The following EFEMP2 variants were observed in gnomAD, a reference collection of about 807,000 sequenced individuals.
EFEMP2 encodes EGF-containing fibulin-like extracellular matrix protein 2.
EFEMP2 carries 21 observed loss-of-function variants against 55.3 expected under a neutral mutation model. The ratio of observed to expected loss-of-function variants is 0.38; its 90% CI spans 0.27 to 0.55. The LOEUF (loss-of-function observed/expected upper bound fraction) is 0.55. Among genes scored for constraint, EFEMP2 ranks in the 20% least tolerant of loss-of-function variants. EFEMP2 has a pLI of 0.77. For missense variants in EFEMP2, 513 were observed against 615.1 expected, an observed-to-expected ratio of 0.83 and a Z score of 1.76; for synonymous variants, 275 against 242.3, an observed-to-expected ratio of 1.14 and a Z score of -1.25.
At chr11:65,870,340 C>A in intron 5 of EFEMP2, 103 bp from the exon 6 acceptor site, 1 of 1,430,166 alleles carries the variant, frequency 7.0e-7, no homozygotes, top group Non-Finnish European at 9.8e-7. Flanking sequence ...AATCCTGTGT[C>A]CGAGGAGCTG....
At chr11:65,870,880 GTCCTT>G in intron 4 of EFEMP2, 1 of 730,586 alleles carries the variant, frequency 1.4e-6, no homozygotes, top group Non-Finnish European at 2.3e-6. Flanking sequence ...TTCCTGGACT[GTCCTT>G]CCTCCAAGGC....
chr11:65,867,135 C>G, intron 10 of EFEMP2, 56 bp from the exon 11 acceptor site: 1 of 1,606,368 alleles, frequency 6.2e-7, no homozygotes, highest in Non-Finnish European at 8.5e-7. Flanking sequence ...GTGCTAGGCC[C>G]CTGCCCCAGC....
chr11:65,871,580 C>T (rs1859965903), intron 3 of EFEMP2: 2 of 612,830 alleles, frequency 3.3e-6, no homozygotes, highest in African/African-American at 1.8e-5. Flanking sequence ...TCATTCTCGG[C>T]CTGCAAGTGG....
At position 65,867,805 on chromosome 11, in the gene EFEMP2, G is replaced by T. The variant is rs1288487758; in HGVS notation, c.1170+56C>A. The stretch of plus-strand genomic sequence containing the variant: ...GCCTGGCCGAGTTCCCCCTTAAGGC[G>T]TCCTGGAGTTCAGTTTTAGATTGTG... On this transcript the variant is annotated intron_variant, in intron 10 of 10. Transcript: ENST00000307998. The T allele has an allele frequency of 9.4e-6, 15 of 1,594,868 alleles. No individual in the cohort carries two copies. The Admixed American group carries it at 2.5e-4, about 27-fold the overall frequency.
chr11:65,870,413 T>C, intron 5 of EFEMP2, 123 bp downstream of exon 5: 1 of 1,499,548 alleles, frequency 6.7e-7, no homozygotes, highest in Non-Finnish European at 9.2e-7. Context: ...CTGTGTCTGA[T>C]GACGGAGGGT....
At chr11:65,870,443 G>C in intron 5 of EFEMP2, 93 bp downstream of exon 5, 1 of 1,581,472 alleles carries the variant, frequency 6.3e-7, no homozygotes, top group Non-Finnish European at 8.6e-7. Flanking sequence ...GGGGCCGGGG[G>C]TGAAGCCTGG....
At chr11:65,871,417 G>C (rs764267661) in intron 3 of EFEMP2, 54 bp from the exon 4 acceptor site, 1 of 1,564,188 alleles carries the variant, frequency 6.4e-7, no homozygotes, top group Non-Finnish European at 8.8e-7. Context: ...GCCCTGGAGG[G>C]AGCGGAGGCA....
At chr11:65,868,196 T>A (rs1859896064) in intron 9 of EFEMP2, 99 bp downstream of exon 9, 1 of 1,581,236 alleles carries the variant, frequency 6.3e-7, no homozygotes. Flanking sequence ...ATTCCCATCA[T>A]CCCTCAGGGG....
Position 65,870,502 on chromosome 11 carries a change from A to G in EFEMP2, c.490+34T>C, listed in dbSNP as rs1168941018. Reference sequence around the variant, plus strand: ...GGCAAGGGCCAGACCAGGGACACAAAGCCGGGACTACAGAAGCTGCTTCCT... The same window carrying G: ...GGCAAGGGCCAGACCAGGGACACAAGGCCGGGACTACAGAAGCTGCTTCCT... On this transcript the variant is annotated intron_variant, in intron 5 of 10. Coordinates refer to ENST00000307998, the MANE Select transcript of EFEMP2 (RefSeq NM_016938.5). 3 of 1,613,148 alleles carry G rather than the reference A, an allele frequency of 1.9e-6. No homozygotes were observed. The African/African-American group carries it at 4.0e-5, about 22-fold the overall frequency.
At chr11:65,870,342 G>A (rs761066472) in intron 5 of EFEMP2, 105 bp from the exon 6 acceptor site, 4 of 1,425,866 alleles carry the variant, frequency 2.8e-6, no homozygotes, top group East Asian at 4.5e-5. Flanking sequence ...TCCTGTGTCC[G>A]AGGAGCTGAA....
chr11:65,871,827 C>T, intron 3 of EFEMP2, 143 bp downstream of exon 3: 1 of 1,055,818 alleles, frequency 9.5e-7, no homozygotes, highest in Non-Finnish European at 1.4e-6. Flanking sequence ...AGAGCCAGAG[C>T]TGGCCTCTGT....
Position 65,868,052 on chromosome 11 carries a change from A to G in EFEMP2, c.979T>C (p.Cys327Arg). Residue 327 changes from cysteine to arginine, a missense_variant, in exon 10 of 11, where the codon TGT becomes CGT. Coordinates refer to ENST00000307998, the MANE Select transcript of EFEMP2 (RefSeq NM_016938.5). ...EPYIQVSENR[C>R]LCPASNPLCR... ...AGAGGGTTGGAGGCCGGGCAGAGACAGCGGCTAGAGACCCCGAGGTGGGGG... is the reference window on the plus strand; with the variant it reads ...AGAGGGTTGGAGGCCGGGCAGAGACGGCGGCTAGAGACCCCGAGGTGGGGG... 6.2e-7 allele frequency: 1 copy of G among 1,613,674 alleles called. No homozygotes were observed. Among genetic ancestry groups the G allele is most frequent in the East Asian group, 2.2e-5 (1 of 44,872 alleles).
intron 7 of EFEMP2, 197 bp downstream of exon 7, chr11:65,869,660 G>A (rs1591066627): frequency 3.1e-5 from 23 of 752,346 alleles, no homozygotes; most frequent in Middle Eastern, 3.7e-4. Context: ...CAGTAAGGAC[G>A]TAGCTGCCTC....
At position 65,868,408 on chromosome 11, in the gene EFEMP2, A is replaced by G. The variant is rs1044449024; in HGVS notation, c.861T>C (p.Cys287=). 2 of 1,613,892 alleles carry G rather than the reference A, an allele frequency of 1.2e-6. No individual in the cohort carries two copies. Among genetic ancestry groups the G allele is most frequent in the East Asian group, 2.2e-5 (1 of 44,866 alleles). The change falls in exon 9 of 11, where the codon TGT becomes TGC. Residue 287 remains cysteine (C), a synonymous_variant. Transcript: ENST00000307998. ...ATRLCQDIDE[C]ESGAHQCSEA... is the part of the protein sequence containing the mutation. ...CGGAGCACTGGTGCGCACCAGACTC[A>G]CACTCATCAATGTCTGTGCCAGGGG... is the stretch of plus-strand genomic sequence containing the variant.
At position 65,868,037 on chromosome 11, in the gene EFEMP2, A is replaced by T. The variant is rs1859890934; in HGVS notation, c.994T>A (p.Ser332Thr). Residue 332 changes from serine to threonine, a missense_variant, in exon 10 of 11, where the codon TCC becomes ACC. Ser to Thr is a moderately conservative substitution (Grantham distance 58). Coordinates refer to ENST00000307998, the MANE Select transcript of EFEMP2 (RefSeq NM_016938.5). ...VSENRCLCPASNPLCREQPSS... is the reference protein window; with the variant it reads ...VSENRCLCPATNPLCREQPSS... ...GGCTGCTCTCGACATAGAGGGTTGGAGGCCGGGCAGAGACAGCGGCTAGAG... is the reference window on the plus strand; with the variant it reads ...GGCTGCTCTCGACATAGAGGGTTGGTGGCCGGGCAGAGACAGCGGCTAGAG... 3 of 1,613,704 alleles carry T rather than the reference A, an allele frequency of 1.9e-6. No individual in the cohort carries two copies. Among genetic ancestry groups the T allele is most frequent in the Middle Eastern group, 1.6e-4 (1 of 6,076 alleles).
chr11:65,871,407 G>C (rs752748954), intron 3 of EFEMP2, 44 bp from the exon 4 acceptor site: 29 of 1,596,370 alleles, frequency 1.8e-5, no homozygotes, highest in African/African-American at 2.7e-5. Context: ...TCCTGGGCTG[G>C]CCCTGGAGGG....
rs1253763924 is a variant in EFEMP2 at position 65,872,351 on chromosome 11, G to A, written c.4C>T (p.Leu2Phe). The A allele has an allele frequency of 5.8e-6, 9 of 1,550,260 alleles. No homozygotes were observed. Among genetic ancestry groups the A allele is most frequent in the Non-Finnish European group, 7.9e-6 (9 of 1,146,018 alleles). Residue 2 changes from leucine (L) to phenylalanine (F), a missense_variant, in exon 2 of 11, where the codon CTC becomes TTC. Physicochemically the swap from Leu to Phe is conservative, Grantham distance 22 (BLOSUM62 0). Coordinates refer to ENST00000307998, the MANE Select transcript of EFEMP2 (RefSeq NM_016938.5). ...CCGGGTAGGCAGGAGGCGCAGGGGA[G>A]CATCCTGGGGCTGCGAGATGGTGGA... M[L>F]PCASCLPGSL...
At chr11:65,870,370 G>T in intron 5 of EFEMP2, 133 bp from the exon 6 acceptor site, 1 of 1,411,212 alleles carries the variant, frequency 7.1e-7, no homozygotes, top group South Asian at 1.2e-5. Flanking sequence ...GGGTCAGCCA[G>T]GACACCTCCC....
At position 65,870,843 on chromosome 11, in the gene EFEMP2, C is replaced by G. The variant is rs1262712563; in HGVS notation, c.368-185G>C. The G allele has an allele frequency of 1.8e-5, 15 of 833,794 alleles. No homozygotes were observed. In the East Asian group the frequency reaches 4.0e-4, roughly 22 times the overall value. The allele number at this position is 833,794 out of a possible 1,614,324, so 51.6% of individuals were successfully genotyped here. On this transcript the variant is annotated intron_variant, in intron 4 of 10. Transcript: ENST00000307998. Reference sequence around the variant, plus strand: ...TGGGGGTTGCACAGGAAATAAGGTCCTGTCCAAACATCCCCAGCAACACTG... The same window carrying G: ...TGGGGGTTGCACAGGAAATAAGGTCGTGTCCAAACATCCCCAGCAACACTG...
Sources: allele counts gnomAD v4.1 joint callset, GRCh38; gene constraint gnomAD v4.1.1; transcripts MANE v1.5; gene names NCBI Gene and HGNC (gene_info 2026-07-23, HGNC 2026-07-21).